Variants in PDE4D observed in about 807,000 individuals in gnomAD.
The protein encoded by PDE4D is phosphodiesterase 4D.
Under a neutral mutation model 87.4 loss-of-function variants are expected in PDE4D, and 24 were observed. The ratio of observed to expected loss-of-function variants is 0.27; its 90% CI spans 0.20 to 0.39. PDE4D has a LOEUF of 0.39. Ranked by LOEUF, PDE4D falls within the 10% of genes least tolerant of loss-of-function variation. The probability of loss-of-function intolerance (pLI) is 1.00; values close to 1 mark genes in which losing one functional copy is unlikely to be tolerated. For missense variants in PDE4D, 714 were observed against 1,041.0 expected (o/e 0.69, Z 4.32); for synonymous variants, 384 against 383.2 (o/e 1.00, Z -0.02).
At chr5:60,233,152 T>C (rs1746008842) in intron 1 of PDE4D, among the ~76,000 whole-genome samples, 1 of 151,206 alleles carries the variant, frequency 6.6e-6, no homozygotes, top group South Asian at 2.1e-4. Flanking sequence ...ATACAGACTT[T>C]AGGATACCAG....
intron 1 of PDE4D, among the ~76,000 whole-genome samples, chr5:60,322,404 AC>A (rs58948352): frequency 1.1e-4 from 16 of 141,376 alleles, no homozygotes; most frequent in African/African-American, 3.5e-4. Context: ...ACACACACAC[AC>A]ACACACACAC....
intron 5 of PDE4D, among the ~76,000 whole-genome samples, chr5:59,092,180 T>C (rs1768870606): frequency 6.6e-6 from 1 of 152,208 alleles, no homozygotes; most frequent in Non-Finnish European, 1.5e-5. Context: ...ATTTTCATAA[T>C]TCAAAGGCAT....
At chr5:59,071,985 G>A (rs957140548) in intron 5 of PDE4D, among the ~76,000 whole-genome samples, 3 of 151,978 alleles carry the variant, frequency 2.0e-5, no homozygotes, top group Admixed American at 6.6e-5. Context: ...CACCGCGCCC[G>A]GCCAACATCT....
At chr5:59,985,124 G>GTTTTTTTTTTTTTTTTTTTTTTTT (rs762506771) in intron 3 of PDE4D, among the ~76,000 whole-genome samples, 4 of 111,348 alleles carry the variant, frequency 3.6e-5, no homozygotes, top group East Asian at 3.8e-4. Flanking sequence ...TTCACCTTTC[G>GTTTTTTTTTTTTTTTTTTTTTTTT]TTTTTTGTTT....
intron 5 of PDE4D, among the ~76,000 whole-genome samples, chr5:59,179,216 C>T (rs1740894386): frequency 2.0e-5 from 3 of 152,172 alleles, no homozygotes; most frequent in African/African-American, 7.2e-5. Context: ...AAGCGATTCT[C>T]CTGCCTCAGA....
intron 5 of PDE4D, among the ~76,000 whole-genome samples, chr5:59,140,283 C>T (rs1379441438): frequency 6.6e-6 from 1 of 152,170 alleles, no homozygotes; most frequent in Non-Finnish European, 1.5e-5. Context: ...GATCCTATTG[C>T]TTTAAAAGTT....
At chr5:59,874,307 A>G (rs577274963) in intron 1 of PDE4D, among the ~76,000 whole-genome samples, 72 of 152,308 alleles carry the variant, frequency 4.7e-4, no homozygotes, top group African/African-American at 1.6e-3. Flanking sequence ...ATTTGCACAA[A>G]CGTGAATATT....
At chr5:60,080,280 G>T (rs1451310712) in intron 2 of PDE4D, among the ~76,000 whole-genome samples, 1 of 152,174 alleles carries the variant, frequency 6.6e-6, no homozygotes, top group Non-Finnish European at 1.5e-5. Context: ...AAATTTTGGG[G>T]CTGAGATGAT....
intron 1 of PDE4D, among the ~76,000 whole-genome samples, chr5:59,606,252 A>G (rs1192499705): frequency 2.6e-5 from 4 of 152,110 alleles, no homozygotes; most frequent in Non-Finnish European, 5.9e-5. Flanking sequence ...TGTATTAACT[A>G]AAGGAATTCA....
chr5:59,606,469 C>T (rs1828217951), intron 1 of PDE4D, among the ~76,000 whole-genome samples: 1 of 151,872 alleles, frequency 6.6e-6, no homozygotes, highest in Non-Finnish European at 1.5e-5. Context: ...ACTAATATTC[C>T]CCAGTTTATA....
chr5:59,364,838 CACCT>C (rs890247713), intron 1 of PDE4D, among the ~76,000 whole-genome samples: 6 of 151,956 alleles, frequency 3.9e-5, no homozygotes, highest in African/African-American at 1.5e-4. Flanking sequence ...CTTGCCCACC[CACCT>C]ACCTTCCTTC....
intron 2 of PDE4D, among the ~76,000 whole-genome samples, chr5:60,003,795 G>C (rs1764228399): frequency 6.6e-6 from 1 of 151,168 alleles, no homozygotes; most frequent in Non-Finnish European, 1.5e-5. Context: ...CAAAGCTATA[G>C]TAATCAAAAC....
At chr5:59,301,378 T>C (rs888196196) in intron 1 of PDE4D, among the ~76,000 whole-genome samples, 1 of 152,176 alleles carries the variant, frequency 6.6e-6, no homozygotes, top group Non-Finnish European at 1.5e-5. Context: ...CTAAGTTAAG[T>C]TGGTCATTAG....
chr5:59,580,228 C>T (rs183496674), intron 1 of PDE4D, among the ~76,000 whole-genome samples: 213 of 152,252 alleles, frequency 1.4e-3, no homozygotes, highest in African/African-American at 4.8e-3. Flanking sequence ...GTCAGCTTCC[C>T]TAGCAATAGA....
At chr5:59,729,972 T>C (rs1237864228) in intron 1 of PDE4D, among the ~76,000 whole-genome samples, 1 of 152,048 alleles carries the variant, frequency 6.6e-6, no homozygotes, top group African/African-American at 2.4e-5. Context: ...TGTGAGTCCT[T>C]AGATAACTAG....
At chr5:60,460,207 A>C in intron 1 of PDE4D, 1 of 1,479,652 alleles carries the variant, frequency 6.8e-7, no homozygotes. Context: ...ACATTTCATC[A>C]AATCCTTTCC....
At chr5:60,135,396 C>G (rs927310349) in intron 2 of PDE4D, among the ~76,000 whole-genome samples, 7 of 152,152 alleles carry the variant, frequency 4.6e-5, no homozygotes, top group Non-Finnish European at 1.5e-5. Context: ...TCTTTCTTTT[C>G]TTTCTGCCTC....
At chr5:59,496,298 C>T (rs1042032365) in intron 1 of PDE4D, among the ~76,000 whole-genome samples, 6 of 152,072 alleles carry the variant, frequency 3.9e-5, no homozygotes, top group African/African-American at 1.4e-4. Flanking sequence ...TGTCTCTACC[C>T]GCTAGGGTCT....
At chr5:60,177,857 T>A (rs1200327971) in intron 2 of PDE4D, among the ~76,000 whole-genome samples, 1 of 152,178 alleles carries the variant, frequency 6.6e-6, no homozygotes, top group Non-Finnish European at 1.5e-5. Flanking sequence ...AGCCACAAGA[T>A]AATTTAATGA....
Sources: gnomAD v4.1 joint callset for allele counts (sites outside exome capture counted in the v4.1 genomes callset) on GRCh38, gnomAD v4.1.1 for gene constraint, MANE v1.5 for transcripts, NCBI Gene and HGNC (gene_info 2026-07-23, HGNC 2026-07-21) for gene names.